TXNDC16: variants seen among roughly 807,000 people sequenced by gnomAD.
TXNDC16 encodes the protein thioredoxin domain-containing protein 16.
TXNDC16 carries 74 observed loss-of-function variants against 85.6 expected under a neutral mutation model. The ratio of observed to expected loss-of-function variants is 0.86; its 90% CI spans 0.72 to 1.05. The LOEUF is 1.05. Ranked by LOEUF, TXNDC16 falls within the 50% of genes least tolerant of loss-of-function variation. The pLI is 0.00. For synonymous variants in TXNDC16, 335 were observed against 326.5 expected, an observed-to-expected ratio of 1.03 and a Z score of -0.28; for missense variants, 959 against 947.0, an observed-to-expected ratio of 1.01 and a Z score of -0.17.
At position 52,451,263 on chromosome 14, in the gene TXNDC16, T is replaced by TAA. The variant is rs577968352; in HGVS notation, c.1842+4059_1842+4060dup. On this transcript the variant is annotated intron_variant, in intron 18 of 20. Coordinates refer to ENST00000281741, the MANE Select transcript of TXNDC16 (RefSeq NM_020784.3). ...TGTTCCCCAATAACCTATTGAAATT[T>TAA]AAAAAAAAAAAAAACATGAATACTA... Among the ~76,000 whole-genome samples, 109 of 137,128 alleles carry TAA rather than the reference T, an allele frequency of 7.9e-4. 2 individuals carry two copies. The South Asian group carries it at 0.011, about 14-fold the overall frequency. The allele number at this position is 137,128 out of a possible 152,430, so 90.0% of individuals were successfully genotyped here. A position where few individuals can be genotyped will look rare whatever the true frequency, so the allele number is the denominator to read the frequency against.
intron 13 of TXNDC16, 104 bp from the exon 14 acceptor site, chr14:52,482,393 T>A: frequency 1.1e-6 from 1 of 938,750 alleles, no homozygotes; most frequent in Non-Finnish European, 1.6e-6. Context: ...CCAAAATTAT[T>A]GTTAATCAGA....
chr14:52,511,507 T>C (rs2036954550), intron 8 of TXNDC16, 117 bp from the exon 9 acceptor site: 9 of 600,096 alleles, frequency 1.5e-5, no homozygotes, highest in Non-Finnish European at 2.4e-5. Context: ...ATTATTTTGG[T>C]AAAAGCCTGA....
At chr14:52,460,926 A>T (rs1214309565) in intron 16 of TXNDC16, among the ~76,000 whole-genome samples, 1 of 151,924 alleles carries the variant, frequency 6.6e-6, no homozygotes, top group African/African-American at 2.4e-5. Context: ...GCTGATTTTA[A>T]TAAAAACTTA....
chr14:52,514,610 G>A (rs1473752758), intron 8 of TXNDC16, among the ~76,000 whole-genome samples: 1 of 152,120 alleles, frequency 6.6e-6, no homozygotes, highest in East Asian at 1.9e-4. Flanking sequence ...CCATTCCTAA[G>A]ATATCCCGCT....
In TXNDC16 at chr14:52,542,285, G is replaced by C. The variant is rs1367501392; in HGVS notation, c.243+86C>G. On this transcript the variant is annotated intron_variant, in intron 4 of 20. Coordinates refer to ENST00000281741, the MANE Select transcript of TXNDC16 (RefSeq NM_020784.3). ...TCCAGTTTGGAAAAAGATATGAAAT[G>C]GAAGTATTTTAAGATATTCAATCTT... is the stretch of plus-strand genomic sequence containing the variant. 9.7e-6 allele frequency: 8 copies of C among 820,698 alleles called. No individual in the cohort carries two copies. The African/African-American group carries it at 1.2e-4, about 12-fold the overall frequency. 50.8% of individuals were successfully genotyped at this position (820,698 alleles called of 1,614,324 possible). A position where few individuals can be genotyped will look rare whatever the true frequency, so the allele number is the denominator to read the frequency against.
intron 9 of TXNDC16, among the ~76,000 whole-genome samples, chr14:52,507,759 G>T (rs145383933): frequency 6.6e-6 from 1 of 152,084 alleles, no homozygotes; most frequent in Non-Finnish European, 1.5e-5. Flanking sequence ...AAATAATGCC[G>T]CATATCTATA....
intron 16 of TXNDC16, among the ~76,000 whole-genome samples, chr14:52,466,683 G>A (rs1038703002): frequency 4.0e-5 from 6 of 151,864 alleles, no homozygotes; most frequent in South Asian, 2.1e-4. Context: ...TGGCTAATGC[G>A]TTAAAACCCC....
At chr14:52,435,080 A>T (rs2034994741) in intron 20 of TXNDC16, among the ~76,000 whole-genome samples, 1 of 152,220 alleles carries the variant, frequency 6.6e-6, no homozygotes, top group Non-Finnish European at 1.5e-5. Flanking sequence ...TTTATACTTT[A>T]CAAAGTGCCT....
Position 52,511,351 on chromosome 14 carries a change from A to T in TXNDC16, c.645T>A (p.His215Gln), listed in dbSNP as rs778141797. ...DVEYAHLYFF[H>Q]CKLVLDLTQQ... is the part of the protein sequence containing the mutation. Reference sequence around the variant, plus strand: ...GGGTCAAGTCCAAGACTAGTTTACAATGAAAAAAGTAGAGATGTGCATATT... The same window carrying T: ...GGGTCAAGTCCAAGACTAGTTTACATTGAAAAAAGTAGAGATGTGCATATT... Residue 215 changes from histidine (H) to glutamine (Q), a missense_variant, in exon 9 of 21, where the codon CAT (histidine) becomes CAA (glutamine). His to Gln is a conservative substitution (Grantham distance 24). Coordinates refer to ENST00000281741, the MANE Select transcript of TXNDC16 (RefSeq NM_020784.3). The T allele has an allele frequency of 1.3e-4, 210 of 1,604,646 alleles. No individual in the cohort carries two copies. Among genetic ancestry groups the T allele is most frequent in the Non-Finnish European group, 1.3e-4 (154 of 1,173,850 alleles).
intron 9 of TXNDC16, among the ~76,000 whole-genome samples, chr14:52,499,360 A>C (rs2036603719): frequency 1.3e-5 from 2 of 152,198 alleles, no homozygotes; most frequent in South Asian, 4.1e-4. Flanking sequence ...TGAATGAGAG[A>C]AAATGTCTGC....
At chr14:52,495,441 T>A (rs1334401529) in intron 9 of TXNDC16, among the ~76,000 whole-genome samples, 1 of 152,086 alleles carries the variant, frequency 6.6e-6, no homozygotes, top group Non-Finnish European at 1.5e-5. Flanking sequence ...ATATATGAAG[T>A]CATATATCAT....
At chr14:52,509,079 T>C (rs2036890344) in intron 9 of TXNDC16, among the ~76,000 whole-genome samples, 1 of 151,774 alleles carries the variant, frequency 6.6e-6, no homozygotes, top group Non-Finnish European at 1.5e-5. Context: ...ATTACATAAT[T>C]CCTAGTAAGC....
intron 18 of TXNDC16, among the ~76,000 whole-genome samples, chr14:52,445,135 A>G (rs953396877): frequency 6.6e-6 from 1 of 152,158 alleles, no homozygotes; most frequent in Non-Finnish European, 1.5e-5. Context: ...TTTCTTCTTT[A>G]TCCTTTCTGT....
rs2036385510 is a variant in TXNDC16, at chr14:52,490,896, G to A, written c.866C>T (p.Thr289Ile). The A allele has an allele frequency of 6.2e-7, 1 of 1,612,760 alleles. No homozygotes were observed. Among genetic ancestry groups the A allele is most frequent in the African/African-American group, 1.3e-5 (1 of 74,816 alleles). The stretch of plus-strand genomic sequence containing the variant: ...AAGACGCCAAGCAACCCATTCTGCA[G>A]TTCTTCTATCAGCTTCATAAGTAGC... Reference protein sequence around the residue: ...QQATYEADRRTAEWVAWRLLG... With the variant: ...QQATYEADRRIAEWVAWRLLG... The change falls in exon 10 of 21, where the codon ACT becomes ATT. Residue 289 changes from threonine to isoleucine, a missense_variant. Thr to Ile is a moderately conservative substitution (Grantham distance 89, BLOSUM62 -1). Transcript: ENST00000281741.
chr14:52,529,531 TATA>T (rs1472282320), intron 6 of TXNDC16, among the ~76,000 whole-genome samples: 14 of 103,854 alleles, frequency 1.3e-4, no homozygotes, highest in Non-Finnish European at 3.8e-5. Context: ...ATATATTATA[TATA>T]ATGCCTATTA....
chr14:52,458,721 A>T (rs1287342144), intron 16 of TXNDC16, among the ~76,000 whole-genome samples: 1 of 152,238 alleles, frequency 6.6e-6, no homozygotes, highest in African/African-American at 2.4e-5. Context: ...TGGATAAACT[A>T]TATCTAAAGC....
Position 52,511,370 on chromosome 14 carries a change from G to A in TXNDC16, c.626C>T (p.Ala209Val), listed in dbSNP as rs2036950817. 1 of 1,592,992 alleles carries A rather than the reference G, an allele frequency of 6.3e-7. No individual in the cohort carries two copies. The highest frequency in any genetic ancestry group is 8.6e-7 in the Non-Finnish European group (1 of 1,167,000). ...ESIGSEDVEY[A>V]HLYFFHCKLV... ...TTTACAATGAAAAAAGTAGAGATGT[G>A]CATATTCCACATCCTCAGAGCTACA... The change falls in exon 9 of 21, where the codon GCA becomes GTA. Residue 209 changes from alanine (A) to valine (V), a missense_variant. By Grantham distance (64) the Ala-to-Val change is moderately conservative. Transcript: ENST00000281741.
At chr14:52,543,921 T>C (rs2037888198) in intron 2 of TXNDC16, among the ~76,000 whole-genome samples, 1 of 152,150 alleles carries the variant, frequency 6.6e-6, no homozygotes, top group Non-Finnish European at 1.5e-5. Context: ...TCTCAAACAT[T>C]AACCAATCCA....
intron 10 of TXNDC16, 118 bp downstream of exon 10, chr14:52,490,721 T>C: frequency 1.8e-6 from 2 of 1,133,360 alleles, no homozygotes; most frequent in Non-Finnish European, 2.5e-6. Flanking sequence ...TAGTTCTAAC[T>C]ATATTGGAAT....
Sources: allele counts gnomAD v4.1 joint callset (sites outside exome capture counted in the v4.1 genomes callset), GRCh38; gene constraint gnomAD v4.1.1; transcripts MANE v1.5; gene names NCBI Gene and HGNC (gene_info 2026-07-23, HGNC 2026-07-21).